P3H2: variants seen among roughly 807,000 people sequenced by gnomAD.
P3H2 encodes leprecan-like 1.
Under a neutral mutation model 87.0 loss-of-function variants are expected in P3H2, and 80 were observed. The ratio of observed to expected loss-of-function variants is 0.92; its 90% CI spans 0.77 to 1.11. P3H2 has a LOEUF of 1.11. Among genes scored for constraint, P3H2 ranks in the 50% least tolerant of loss-of-function variants. The pLI is 0.00. For synonymous variants in P3H2, 367 were observed against 359.3 expected, an observed-to-expected ratio of 1.02 and a Z score of -0.24; for missense variants, 1,001 against 923.9, an observed-to-expected ratio of 1.08 and a Z score of -1.08.
intron 1 of P3H2, among the ~76,000 whole-genome samples, chr3:190,023,106 G>A (rs932656079): frequency 6.6e-6 from 1 of 152,102 alleles, no homozygotes; most frequent in Admixed American, 6.5e-5. Context: ...GATTACAGGT[G>A]TGAGCCACCA....
Position 189,996,966 on chromosome 3 carries a change from A to G in P3H2, c.481-1524T>C, listed in dbSNP as rs543085325. Among the ~76,000 whole-genome samples the G allele has an allele frequency of 2.6e-5, 4 of 152,336 alleles. No individual in the cohort carries two copies. In the East Asian group the frequency reaches 5.8e-4, roughly 22 times the overall value. Reference sequence around the variant, plus strand: ...TAAACCACTTAATACAATGATCTCCATGTAACAAGCAATGATATATTTTTA... The same window carrying G: ...TAAACCACTTAATACAATGATCTCCGTGTAACAAGCAATGATATATTTTTA... On this transcript the variant is annotated intron_variant, in intron 1 of 14. Coordinates refer to ENST00000319332, the MANE Select transcript of P3H2 (RefSeq NM_018192.4).
In P3H2 at chr3:189,975,745, A is replaced by G. The variant is rs115103150; in HGVS notation, c.1325-1060T>C. On this transcript the variant is annotated intron_variant, in intron 8 of 14. Transcript: ENST00000319332. ...ATAAAATAGATTAGTCAGCCTAGGG[A>G]AGAGCACTGTCTAAATGTTTATTAG... 7.1e-3 allele frequency among the ~76,000 whole-genome samples: 1,081 copies of G among 152,328 alleles called. 12 individuals are homozygous for G. Among genetic ancestry groups the G allele is most frequent in the African/African-American group, 0.025 (1,022 of 41,568 alleles).
chr3:189,988,013 T>C (rs1723760411), intron 4 of P3H2, among the ~76,000 whole-genome samples: 1 of 152,240 alleles, frequency 6.6e-6, no homozygotes, highest in African/African-American at 2.4e-5. Flanking sequence ...TTGGGTTAAG[T>C]AAACATCCTG....
chr3:190,037,402 T>C (rs1475171935), intron 1 of P3H2, among the ~76,000 whole-genome samples: 1 of 152,110 alleles, frequency 6.6e-6, no homozygotes, highest in Non-Finnish European at 1.5e-5. Context: ...TTTATGTGCT[T>C]CATAGATCCC....
In P3H2 at chr3:190,041,037, T is replaced by TACAC. The variant is rs1202716732; in HGVS notation, c.481-45599_481-45596dup. On this transcript the variant is annotated intron_variant, in intron 1 of 14. Transcript: ENST00000319332. ...TGGCTCTACTATATATATATATATA[T>TACAC]ACACACACACACACACACACACACA... 2.4e-3 allele frequency among the ~76,000 whole-genome samples: 119 copies of TACAC among 49,366 alleles called. 18 individuals are homozygous for TACAC. The East Asian group carries it at 0.068, about 28-fold the overall frequency. 32.4% of individuals were successfully genotyped at this position (49,366 alleles called of 152,430 possible). A position where few individuals can be genotyped will look rare whatever the true frequency, so the allele number is the denominator to read the frequency against.
chr3:189,963,762 C>T (rs113588130), intron 14 of P3H2, 196 bp downstream of exon 14: 1 of 648,632 alleles, frequency 1.5e-6, no homozygotes. Context: ...TGTTAATAAG[C>T]TCAAGACAGA....
intron 14 of P3H2, 29 bp downstream of exon 14, chr3:189,963,929 T>C (rs1343347450): frequency 8.7e-6 from 14 of 1,613,966 alleles, no homozygotes; most frequent in Admixed American, 1.7e-5. Context: ...GCAAGCCTAA[T>C]TGGCTTTCTG....
intron 1 of P3H2, among the ~76,000 whole-genome samples, chr3:190,100,944 C>G (rs936513247): frequency 6.6e-6 from 1 of 152,110 alleles, no homozygotes; most frequent in African/African-American, 2.4e-5. Context: ...CATGTCTCAA[C>G]GTTACATTTT....
At chr3:189,993,206 C>T (rs902228579) in intron 3 of P3H2, among the ~76,000 whole-genome samples, 3 of 151,542 alleles carry the variant, frequency 2.0e-5, no homozygotes, top group Non-Finnish European at 4.4e-5. Flanking sequence ...CCTGTAATCC[C>T]AGCTACTCGG....
chr3:189,994,192 A>G lies in P3H2; in HGVS notation c.725T>C (p.Val242Ala), dbSNP rs762781071. 5 of 1,613,866 alleles carry G rather than the reference A, an allele frequency of 3.1e-6. No homozygotes were observed. Among genetic ancestry groups the G allele is most frequent in the Middle Eastern group, 1.7e-4 (1 of 6,060 alleles). The change falls in exon 3 of 15, where the codon GTT becomes GCT. Residue 242 changes from valine to alanine, a missense_variant. Val to Ala is a moderately conservative substitution (Grantham distance 64). Coordinates refer to ENST00000319332, the MANE Select transcript of P3H2 (RefSeq NM_018192.4). ...TAGGGTCCGGCATTCTGTATCTTCAACGAAATATTCTCTTAAGGCTTGTTC... is the reference window on the plus strand; with the variant it reads ...TAGGGTCCGGCATTCTGTATCTTCAGCGAAATATTCTCTTAAGGCTTGTTC... The part of the protein sequence containing the change: ...HFEQALREYF[V>A]EDTECRTLCE...
chr3:190,071,683 A>T (rs1156794277), intron 1 of P3H2, among the ~76,000 whole-genome samples: 1 of 152,092 alleles, frequency 6.6e-6, no homozygotes, highest in Admixed American at 6.6e-5. Flanking sequence ...AAAGCTGCAG[A>T]TGTTAAAGAG....
intron 1 of P3H2, among the ~76,000 whole-genome samples, chr3:190,105,274 T>C (rs1446493672): frequency 6.6e-6 from 1 of 152,214 alleles, no homozygotes; most frequent in Non-Finnish European, 1.5e-5. Flanking sequence ...GCCGAGATCT[T>C]GTTTTCTGTA....
intron 4 of P3H2, chr3:189,987,907 C>T: frequency 1.9e-6 from 1 of 538,970 alleles, no homozygotes; most frequent in Non-Finnish European, 3.3e-6. Context: ...TGCAAATCGT[C>T]AAGTTTCTAT....
chr3:190,042,680 T>C (rs1043188157), intron 1 of P3H2, among the ~76,000 whole-genome samples: 10 of 152,228 alleles, frequency 6.6e-5, no homozygotes, highest in African/African-American at 2.4e-4. Context: ...GTAAACCTTT[T>C]GACCTGAATT....
intron 1 of P3H2, among the ~76,000 whole-genome samples, chr3:190,090,442 G>A (rs768259754): frequency 6.6e-5 from 10 of 152,156 alleles, no homozygotes; most frequent in Non-Finnish European, 1.0e-4. Context: ...GGTGGCTCAC[G>A]CCTGTAATCC....
At chr3:190,072,318 T>C (rs1033544209) in intron 1 of P3H2, among the ~76,000 whole-genome samples, 2 of 152,152 alleles carry the variant, frequency 1.3e-5, no homozygotes, top group African/African-American at 4.8e-5. Context: ...TGAGCCACCA[T>C]GCCCGGTCAA....
In P3H2 at chr3:190,120,605, G is replaced by T; in HGVS notation, c.127C>A (p.Pro43Thr). 1 of 1,545,866 alleles carries T rather than the reference G, an allele frequency of 6.5e-7. No homozygotes were observed. Among genetic ancestry groups the T allele is most frequent in the South Asian group, 1.2e-5 (1 of 84,248 alleles). ...CCGCTGGCGTAGAGCAGGTCGAAGG[G>T]CTGCAGAGGCCCGGGCTCCAGCTCC... The part of the protein sequence containing the change: ...ELELEPGPLQ[P>T]FDLLYASGAA... Residue 43 changes from proline (P) to threonine (T), a missense_variant, in exon 1 of 15, where the codon CCC (proline) becomes ACC (threonine). Pro to Thr is a conservative substitution (Grantham distance 38). Transcript: ENST00000319332.
chr3:189,979,922 C>T (rs978239144), intron 8 of P3H2, among the ~76,000 whole-genome samples: 5 of 151,920 alleles, frequency 3.3e-5, no homozygotes, highest in Admixed American at 6.6e-5. Flanking sequence ...GAGCTGAGAT[C>T]GCACCACTGT....
chr3:189,959,414 C>A (rs1719584), intron 14 of P3H2, among the ~76,000 whole-genome samples: 28,883 of 104,296 alleles, frequency 0.28, 3,654 homozygotes, highest in African/African-American at 0.33. Context: ...CCTCCCCCCA[C>A]CCCACAACAG....
Sources: allele counts gnomAD v4.1 joint callset (sites outside exome capture counted in the v4.1 genomes callset), GRCh38; gene constraint gnomAD v4.1.1; transcripts MANE v1.5; gene names NCBI Gene and HGNC (gene_info 2026-07-23, HGNC 2026-07-21).